Variants in POLR1A observed in about 807,000 individuals in gnomAD.
POLR1A encodes the protein RNA polymerase I subunit A.
A neutral mutation model predicts 205.3 loss-of-function variants in POLR1A; 84 were observed. The ratio of observed to expected loss-of-function variants is 0.41; its 90% CI spans 0.34 to 0.49. The LOEUF is 0.49. Ranked by LOEUF, POLR1A falls within the 20% of genes least tolerant of loss-of-function variation. POLR1A has a pLI of 0.22. For synonymous variants in POLR1A, 799 were observed against 863.7 expected, an observed-to-expected ratio of 0.93 and a Z score of 1.31; for missense variants, 1,645 against 2,204.5, an observed-to-expected ratio of 0.75 and a Z score of 5.08.
At position 86,022,565 on chromosome 2, in the gene POLR1A, AAATCAG is replaced by A. The variant is rs1690167782; in HGVS notation, c.*4852_*4857del. ...GCCTAGGCCACACTCCAGGCCAATAAAATCAGAATCTGGGCAAGGCCTTGGGATCAA... is the reference window on the plus strand; with the variant it reads ...GCCTAGGCCACACTCCAGGCCAATAAAATCTGGGCAAGGCCTTGGGATCAA... On this transcript the variant is annotated 3_prime_UTR_variant, in exon 34 of 34. Coordinates refer to ENST00000263857, the MANE Select transcript of POLR1A (RefSeq NM_015425.6). The A allele has an allele frequency of 6.6e-6, 1 of 152,196 alleles. No homozygotes were observed. Among genetic ancestry groups the A allele is most frequent in the Non-Finnish European group, 1.5e-5 (1 of 68,066 alleles). The allele number at this position is 152,196 out of a possible 1,614,324, so 9.4% of individuals were successfully genotyped here.
At chr2:86,039,306 C>T (rs1231476804) in intron 26 of POLR1A, 21 bp downstream of exon 26, 2 of 1,612,934 alleles carry the variant, frequency 1.2e-6, no homozygotes. Context: ...CCGTCTGCAA[C>T]CTGGGAAGGA....
In POLR1A at chr2:86,051,562, T is replaced by C. The variant is rs568810035; in HGVS notation, c.2392+1255A>G. Among the ~76,000 whole-genome samples, 6 of 152,322 alleles carry C rather than the reference T, an allele frequency of 3.9e-5. No individual in the cohort carries two copies. The South Asian group carries it at 1.0e-3, about 26-fold the overall frequency. On this transcript the variant is annotated intron_variant, in intron 16 of 33. Coordinates refer to ENST00000263857, the MANE Select transcript of POLR1A (RefSeq NM_015425.6). The stretch of plus-strand genomic sequence containing the variant: ...AAGCAAAGGAGCCTTACTTCCACCA[T>C]GAACCAGACAACGCCTATGCACACT...
rs774223448 is a variant in POLR1A, at chr2:86,049,163, G to A, written c.2472C>T (p.Pro824=). 1.2e-6 allele frequency: 2 copies of A among 1,613,316 alleles called. No homozygotes were observed. The highest frequency in any genetic ancestry group is 1.7e-6 in the Non-Finnish European group (2 of 1,179,214). ...RIIEESTHCG[P]QAVRAALNLP... is the part of the protein sequence containing the mutation. ...CGGCCTCGAAGTCCCTCCTTACCTG[G>A]GGCCCGCAGTGGGTGGATTCTTCAA... Residue 824 remains proline (P), a synonymous_variant, in exon 17 of 34, where the codon CCC becomes CCT. Coordinates refer to ENST00000263857, the MANE Select transcript of POLR1A (RefSeq NM_015425.6).
At chr2:86,051,938 T>C (rs1672810002) in intron 16 of POLR1A, among the ~76,000 whole-genome samples, 1 of 152,194 alleles carries the variant, frequency 6.6e-6, no homozygotes, top group Non-Finnish European at 1.5e-5. Flanking sequence ...AGAGCGCTGA[T>C]GGCCCCACCG....
rs201862409 is a variant in POLR1A, at chr2:86,044,333, G to A, written c.2970-29C>T. 3.0e-4 allele frequency: 491 copies of A among 1,612,702 alleles called. 2 individuals carry two copies. In the African/African-American group the frequency reaches 4.8e-3, roughly 16 times the overall value. On this transcript the variant is annotated intron_variant, in intron 21 of 33. Transcript: ENST00000263857. ...TAAGGACACCATCGGCTCAGTCCCCGCCGGCCCATCACCTCCCCAGGGCAG... is the reference window on the plus strand; with the variant it reads ...TAAGGACACCATCGGCTCAGTCCCCACCGGCCCATCACCTCCCCAGGGCAG...
intron 14 of POLR1A, among the ~76,000 whole-genome samples, chr2:86,059,263 A>G (rs989420229): frequency 6.6e-6 from 1 of 152,236 alleles, no homozygotes; most frequent in Admixed American, 6.5e-5. Flanking sequence ...AAAACATTTA[A>G]ATGAACTTCT....
chr2:86,027,315 T>A lies in POLR1A; in HGVS notation c.*108A>T. ...CGCTGCTGTGCTCTGTACTGTCACTTGGAACTGCCCTGGATTCCAGTCTCC... is the reference window on the plus strand; with the variant it reads ...CGCTGCTGTGCTCTGTACTGTCACTAGGAACTGCCCTGGATTCCAGTCTCC... On this transcript the variant is annotated 3_prime_UTR_variant, in exon 34 of 34. Transcript: ENST00000263857. 1.1e-6 allele frequency: 1 copy of A among 906,036 alleles called. No homozygotes were observed. Among genetic ancestry groups the A allele is most frequent in the South Asian group, 1.3e-5 (1 of 76,092 alleles). 56.1% of individuals were successfully genotyped at this position (906,036 alleles called of 1,614,324 possible).
At chr2:86,056,980 G>A (rs928662773) in intron 14 of POLR1A, among the ~76,000 whole-genome samples, 2 of 152,170 alleles carry the variant, frequency 1.3e-5, no homozygotes, top group African/African-American at 4.8e-5. Context: ...TGCAGCCCAC[G>A]GATAAAGGAG....
chr2:86,055,545 G>A (rs1290565721), intron 14 of POLR1A, among the ~76,000 whole-genome samples: 3 of 152,142 alleles, frequency 2.0e-5, no homozygotes, highest in African/African-American at 7.2e-5. Flanking sequence ...CACGTCCTGG[G>A]GTGCCTACTT....
At chr2:86,092,684 G>A (rs1381665312) in intron 3 of POLR1A, among the ~76,000 whole-genome samples, 1 of 152,160 alleles carries the variant, frequency 6.6e-6, no homozygotes, top group Admixed American at 6.5e-5. Flanking sequence ...AATTAGCTGG[G>A]CGTGGTAGCA....
intron 10 of POLR1A, 29 bp from the exon 11 acceptor site, chr2:86,078,010 C>A: frequency 6.2e-7 from 1 of 1,613,840 alleles, no homozygotes; most frequent in Non-Finnish European, 8.5e-7. Context: ...TCATAAAAAA[C>A]ATTCAACAAG....
intron 19 of POLR1A, among the ~76,000 whole-genome samples, chr2:86,046,193 G>A (rs1196695188): frequency 6.6e-6 from 1 of 152,146 alleles, no homozygotes; most frequent in Admixed American, 6.5e-5. Context: ...ACTTTGCGGG[G>A]CTGAGGCAGG....
intron 12 of POLR1A, among the ~76,000 whole-genome samples, chr2:86,071,704 G>A (rs1673183462): frequency 1.3e-5 from 2 of 152,114 alleles, no homozygotes; most frequent in South Asian, 2.1e-4. Flanking sequence ...ATGTCCTTCT[G>A]ACAGACATCT....
rs1356142470 is a variant in POLR1A at position 86,044,257 on chromosome 2, G to A, written c.3017C>T (p.Thr1006Met). The change falls in exon 22 of 34, where the codon ACG (threonine) becomes ATG (methionine). Residue 1006 changes from threonine to methionine, a missense_variant. Thr to Met is a moderately conservative substitution (Grantham distance 81). Transcript: ENST00000263857. ...CACACTGCCGTCACTGTCACGGACCGTGAGATCATACTGCACGACCAGCCC... is the reference window on the plus strand; with the variant it reads ...CACACTGCCGTCACTGTCACGGACCATGAGATCATACTGCACGACCAGCCC... ...LEGLVVQYDLTVRDSDGSVVQ... is the reference protein window; with the variant it reads ...LEGLVVQYDLMVRDSDGSVVQ... 8 of 1,614,120 alleles carry A rather than the reference G, an allele frequency of 5.0e-6. No individual in the cohort carries two copies. The highest frequency in any genetic ancestry group is 1.7e-5 in the Admixed American group (1 of 60,018).
At chr2:86,045,953 C>T (rs1200861720) in intron 19 of POLR1A, among the ~76,000 whole-genome samples, 184 bp from the exon 20 acceptor site, 1 of 152,172 alleles carries the variant, frequency 6.6e-6, no homozygotes, top group African/African-American at 2.4e-5. Context: ...AAAATACCTT[C>T]CTTTGGTTGA....
At position 86,028,149 on chromosome 2, in the gene POLR1A, G is replaced by T. The variant is rs947627122; in HGVS notation, c.4898-100C>A. 4 of 1,141,532 alleles carry T rather than the reference G, an allele frequency of 3.5e-6. No individual in the cohort carries two copies. In the African/African-American group the frequency reaches 4.6e-5, roughly 13 times the overall value. 70.7% of individuals were successfully genotyped at this position (1,141,532 alleles called of 1,614,324 possible). A position where few individuals can be genotyped will look rare whatever the true frequency, so the allele number is the denominator to read the frequency against. On this transcript the variant is annotated intron_variant, in intron 32 of 33. Transcript: ENST00000263857. The surrounding 1 kb of genome is among the most constrained non-coding windows in gnomAD (Gnocchi z 4.5). ...GCCTCCACATCAGCACATGGCTTGG[G>T]AGTTAGACTCTGGGGCTCCCCTTCA...
At chr2:86,036,572 C>T (rs1299842868) in intron 27 of POLR1A, among the ~76,000 whole-genome samples, 1 of 152,178 alleles carries the variant, frequency 6.6e-6, no homozygotes, top group Admixed American at 6.5e-5. Flanking sequence ...GGGTTGGCTG[C>T]TCTTTTGAAA....
intron 14 of POLR1A, among the ~76,000 whole-genome samples, chr2:86,062,486 A>G (rs1673014079): frequency 1.3e-5 from 2 of 152,202 alleles, no homozygotes; most frequent in Admixed American, 6.5e-5. Flanking sequence ...AAAAAAATCA[A>G]AAGGGAAATT....
intron 12 of POLR1A, among the ~76,000 whole-genome samples, chr2:86,074,585 T>C (rs954321044): frequency 1.3e-5 from 2 of 152,202 alleles, no homozygotes; most frequent in Non-Finnish European, 2.9e-5. Context: ...TGGGCTAGCA[T>C]TAGCAATTGC....
Sources: allele counts gnomAD v4.1 joint callset (sites outside exome capture counted in the v4.1 genomes callset), GRCh38; gene constraint gnomAD v4.1.1; non-coding constraint Gnocchi (gnomAD v3.1); transcripts MANE v1.5; gene names NCBI Gene and HGNC (gene_info 2026-07-23, HGNC 2026-07-21).